Variants in ASTN2 observed in about 807,000 individuals in gnomAD.
ASTN2 encodes the protein astrotactin-2.
Under a neutral mutation model 139.8 loss-of-function variants are expected in ASTN2, and 54 were observed. The observed-to-expected ratio is 0.39, with a 90% confidence interval of 0.31 to 0.48. The LOEUF (loss-of-function observed/expected upper bound fraction) is 0.48. Ranked by LOEUF, ASTN2 falls within the 20% of genes least tolerant of loss-of-function variation. The pLI is 0.95. For missense variants in ASTN2, 1,565 were observed against 1,725.1 expected (o/e 0.91, Z 1.64); for synonymous variants, 756 against 719.5 (o/e 1.05, Z -0.81).
At chr9:117,115,759 C>T (rs1422172727) in intron 4 of ASTN2, among the ~76,000 whole-genome samples, 2 of 152,006 alleles carry the variant, frequency 1.3e-5, no homozygotes, top group Admixed American at 1.3e-4. Flanking sequence ...GGCGCGGTGG[C>T]TCACACCTGT....
At chr9:117,083,924 G>A (rs1187348096) in intron 5 of ASTN2, among the ~76,000 whole-genome samples, 1 of 151,934 alleles carries the variant, frequency 6.6e-6, no homozygotes, top group Non-Finnish European at 1.5e-5. Context: ...GCTGGAGGAG[G>A]GAGTTTTTAT....
intron 7 of ASTN2, among the ~76,000 whole-genome samples, chr9:116,983,835 A>G (rs1836591377): frequency 6.6e-6 from 1 of 152,168 alleles, no homozygotes; most frequent in South Asian, 2.1e-4. Context: ...CTGGTCCATG[A>G]AGGATGAGAG....
chr9:116,951,666 G>A (rs980414045), intron 10 of ASTN2, among the ~76,000 whole-genome samples: 1 of 152,264 alleles, frequency 6.6e-6, no homozygotes, highest in Middle Eastern at 3.4e-3. Flanking sequence ...GGTGGCAGAA[G>A]CTATGGGAGG....
At chr9:117,273,736 A>G (rs1292237740) in intron 2 of ASTN2, among the ~76,000 whole-genome samples, 2 of 152,160 alleles carry the variant, frequency 1.3e-5, no homozygotes, top group Non-Finnish European at 2.9e-5. Flanking sequence ...CATTTGCTTA[A>G]AATCCATCTG....
At chr9:116,947,908 C>G (rs543793969) in intron 10 of ASTN2, among the ~76,000 whole-genome samples, 8 of 152,162 alleles carry the variant, frequency 5.3e-5, no homozygotes, top group African/African-American at 1.9e-4. Flanking sequence ...CAGAACCATG[C>G]GTTGTTTTAA....
Position 117,264,226 on chromosome 9 carries a change from C to T in ASTN2, c.630+27100G>A, listed in dbSNP as rs112585942. Among the ~76,000 whole-genome samples the T allele has an allele frequency of 2.8e-3, 422 of 151,898 alleles. 3 individuals are homozygous for T. The highest frequency in any genetic ancestry group is 9.5e-3 in the African/African-American group (393 of 41,450). The stretch of plus-strand genomic sequence containing the variant: ...TCTCTGGTCCAATCTCTACATTTAC[C>T]CCATTCGTAAAAATTATGTCTTGAT... On this transcript the variant is annotated intron_variant, in intron 2 of 22. Coordinates refer to ENST00000313400, the MANE Select transcript of ASTN2 (RefSeq NM_001365068.1).
At chr9:116,520,218 T>C (rs1044327536) in intron 19 of ASTN2, among the ~76,000 whole-genome samples, 4 of 152,026 alleles carry the variant, frequency 2.6e-5, no homozygotes, top group African/African-American at 9.7e-5. Flanking sequence ...TACAGACCAA[T>C]ATTCCTGATG....
At chr9:116,719,334 G>T (rs1828410619) in intron 16 of ASTN2, among the ~76,000 whole-genome samples, 1 of 152,142 alleles carries the variant, frequency 6.6e-6, no homozygotes, top group East Asian at 1.9e-4. Context: ...GGGATAGTTA[G>T]CCAACTCCCA....
chr9:116,982,496 G>C (rs111886680), intron 7 of ASTN2, among the ~76,000 whole-genome samples: 2 of 152,208 alleles, frequency 1.3e-5, no homozygotes, highest in African/African-American at 4.8e-5. Context: ...AAAAATCCAA[G>C]ATGTGCCCTT....
chr9:116,843,659 C>CAAA (rs34552965), intron 11 of ASTN2, among the ~76,000 whole-genome samples: 2,055 of 115,568 alleles, frequency 0.018, 62 homozygotes, highest in African/African-American at 0.066. Context: ...AACTCTGTCT[C>CAAA]AAAAAAAAAA....
rs1847276520 is a variant in ASTN2, at chr9:116,425,474, G to A, written c.*377C>T. 1 of 1,275,254 alleles carries A rather than the reference G, an allele frequency of 7.8e-7. No individual in the cohort carries two copies. The highest frequency in any genetic ancestry group is 1.9e-4 in the Middle Eastern group (1 of 5,310). The allele number at this position is 1,275,254 out of a possible 1,614,324, so 79.0% of individuals were successfully genotyped here. ...TGTCCCTCCATAGGTCTCCTCCAGG[G>A]GTCCATGGCAGGAAGAAAGCAGAGT... is the stretch of plus-strand genomic sequence containing the variant. On this transcript the variant is annotated 3_prime_UTR_variant, in exon 23 of 23. Transcript: ENST00000313400.
At chr9:116,626,055 C>G (rs141946548) in intron 17 of ASTN2, among the ~76,000 whole-genome samples, 3 of 151,496 alleles carry the variant, frequency 2.0e-5, no homozygotes, top group Non-Finnish European at 2.9e-5. Flanking sequence ...TATTGGCTCA[C>G]GGCAATCTCT....
chr9:117,316,970 T>G (rs1413083456), intron 1 of ASTN2, among the ~76,000 whole-genome samples: 1 of 152,124 alleles, frequency 6.6e-6, no homozygotes, highest in Non-Finnish European at 1.5e-5. Context: ...TGGAGAGCCC[T>G]CTGGCTCTGT....
intron 4 of ASTN2, among the ~76,000 whole-genome samples, chr9:117,131,851 C>T (rs906531742): frequency 6.6e-6 from 1 of 152,178 alleles, no homozygotes; most frequent in Admixed American, 6.5e-5. Flanking sequence ...TGTGAAACCA[C>T]ACTGTTACTC....
intron 16 of ASTN2, among the ~76,000 whole-genome samples, chr9:116,704,688 C>G (rs1429365949): frequency 6.6e-6 from 1 of 152,098 alleles, no homozygotes; most frequent in African/African-American, 2.4e-5. Flanking sequence ...ACTTCTTGGC[C>G]TCTTAATTGA....
chr9:117,334,899 C>CA (rs1423244083), intron 1 of ASTN2, among the ~76,000 whole-genome samples: 4 of 152,016 alleles, frequency 2.6e-5, no homozygotes, highest in Non-Finnish European at 5.9e-5. Flanking sequence ...ACTAAAAATA[C>CA]AAAAAATTAG....
At chr9:116,597,299 A>ATTTTTTTTTTTTT (rs757848093) in intron 19 of ASTN2, among the ~76,000 whole-genome samples, 19 of 75,534 alleles carry the variant, frequency 2.5e-4, no homozygotes, top group South Asian at 6.5e-4. Flanking sequence ...CTTTTGATCT[A>ATTTTTTTTTTTTT]TTTTTTTTTT....
intron 4 of ASTN2, among the ~76,000 whole-genome samples, chr9:117,131,734 C>T (rs1266134385): frequency 2.0e-5 from 3 of 152,172 alleles, no homozygotes; most frequent in East Asian, 3.9e-4. Context: ...AATTGCCAAT[C>T]AGAAAATCTT....
intron 1 of ASTN2, among the ~76,000 whole-genome samples, chr9:117,381,644 C>T (rs1339797083): frequency 6.6e-6 from 1 of 152,126 alleles, no homozygotes; most frequent in Non-Finnish European, 1.5e-5. Context: ...GAAGCAGATG[C>T]CACCATGCTT....
Sources: allele counts gnomAD v4.1 joint callset (sites outside exome capture counted in the v4.1 genomes callset), GRCh38; gene constraint gnomAD v4.1.1; transcripts MANE v1.5; gene names NCBI Gene and HGNC (gene_info 2026-07-23, HGNC 2026-07-21).